The following EXT2 variants were observed in gnomAD, a reference collection of about 807,000 sequenced individuals.
The protein encoded by EXT2 is exostosin glycosyltransferase 2, also known as exostosin-2.
Under a neutral mutation model 81.6 loss-of-function variants are expected in EXT2, and 53 were observed. The ratio of observed to expected loss-of-function variants is 0.65; its 90% CI spans 0.52 to 0.82. EXT2 has a LOEUF of 0.82. EXT2 is among the 40% of genes least tolerant of loss of function. The probability of loss-of-function intolerance (pLI) is 0.00; values close to 1 mark genes in which losing one functional copy is unlikely to be tolerated. For missense variants in EXT2, 774 were observed against 910.2 expected (o/e 0.85, Z 1.93); for synonymous variants, 320 against 340.0 (o/e 0.94, Z 0.65).
chr11:44,114,636 TCCTCCTCCTCTACCCTAGACC>T (rs1253259831), intron 4 of EXT2, among the ~76,000 whole-genome samples: 1 of 152,162 alleles, frequency 6.6e-6, no homozygotes. Context: ...GCTCCCCGAA[TCCTCCTCCTCTACCCTAGACC>T]AGGTTACTGT....
rs1488016331 is a variant in EXT2, at chr11:44,249,870, A to G, written c.*5583A>G. Among the ~76,000 whole-genome samples the G allele has an allele frequency of 6.6e-6, 1 of 152,170 alleles. No individual in the cohort carries two copies. Among genetic ancestry groups the G allele is most frequent in the Non-Finnish European group, 1.5e-5 (1 of 68,038 alleles). ...CAGATCATGAGGTCACGAGATCGAG[A>G]CCCTCCTGGCTAACACGGTGAAACC... On this transcript the variant is annotated 3_prime_UTR_variant, in exon 14 of 14. Coordinates refer to ENST00000533608, the MANE Select transcript of EXT2 (RefSeq NM_207122.2).
chr11:44,149,116 C>G (rs139151572), intron 7 of EXT2, among the ~76,000 whole-genome samples: 1,738 of 152,220 alleles, frequency 0.011, 42 homozygotes, highest in African/African-American at 0.04. Context: ...AATCCCAGCA[C>G]TTTGGGAGGT....
intron 8 of EXT2, among the ~76,000 whole-genome samples, chr11:44,182,155 G>C (rs1184891958): frequency 2.0e-5 from 3 of 152,132 alleles, no homozygotes; most frequent in Non-Finnish European, 4.4e-5. Flanking sequence ...GTTATATTTA[G>C]TATGGTGCCT....
At chr11:44,214,556 C>T (rs1437110900) in intron 10 of EXT2, among the ~76,000 whole-genome samples, 1 of 151,984 alleles carries the variant, frequency 6.6e-6, no homozygotes, top group Non-Finnish European at 1.5e-5. Flanking sequence ...TTGTATTTTC[C>T]AGGGAATTTG....
chr11:44,149,235 G>A (rs1335505637), intron 7 of EXT2, among the ~76,000 whole-genome samples: 2 of 152,116 alleles, frequency 1.3e-5, no homozygotes, highest in Non-Finnish European at 2.9e-5. Flanking sequence ...GGTGGTGCAT[G>A]CCTGTAGTCT....
intron 7 of EXT2, among the ~76,000 whole-genome samples, chr11:44,149,493 T>C (rs184379394): frequency 1.1e-3 from 165 of 152,336 alleles, no homozygotes; most frequent in Non-Finnish European, 1.8e-3. Flanking sequence ...AACCATGTAA[T>C]CCAATGCCAT....
In EXT2 at chr11:44,114,299, A is replaced by G. The variant is rs773214800; in HGVS notation, c.741A>G (p.Pro247=). ...SAEVDLPEKG[P]GPRQYFLLSS... The stretch of plus-strand genomic sequence containing the variant: ...AGGTGGATCTTCCAGAGAAAGGACC[A>G]GGGTAAGGTACATTCATCCCAGCCA... Residue 247 remains proline (P), a splice_region_variant and synonymous_variant, in exon 4 of 14, where the codon CCA becomes CCG. Coordinates refer to ENST00000533608, the MANE Select transcript of EXT2 (RefSeq NM_207122.2). 6.2e-7 allele frequency: 1 copy of G among 1,612,438 alleles called. No homozygotes were observed. The highest frequency in any genetic ancestry group is 8.5e-7 in the Non-Finnish European group (1 of 1,178,508).
chr11:44,185,688 T>A (rs1955301224), intron 8 of EXT2, among the ~76,000 whole-genome samples: 1 of 152,254 alleles, frequency 6.6e-6, no homozygotes, highest in Non-Finnish European at 1.5e-5. Context: ...GCTCAAACTA[T>A]ACAGAAACTG....
intron 7 of EXT2, among the ~76,000 whole-genome samples, chr11:44,132,266 G>A (rs182003257): frequency 1.3e-5 from 2 of 152,330 alleles, no homozygotes; most frequent in African/African-American, 4.8e-5. Flanking sequence ...AGCTCACAGA[G>A]GACTGTTGCC....
intron 9 of EXT2, among the ~76,000 whole-genome samples, chr11:44,199,755 A>G (rs1420084180): frequency 6.6e-6 from 1 of 152,148 alleles, no homozygotes; most frequent in African/African-American, 2.4e-5. Flanking sequence ...CTAAGCCTCT[A>G]CACTGGCACA....
intron 3 of EXT2, among the ~76,000 whole-genome samples, chr11:44,113,462 C>G (rs149154803): frequency 4.7e-4 from 71 of 152,244 alleles, no homozygotes; most frequent in African/African-American, 1.7e-3. Context: ...CTTGCTGGAT[C>G]CAGTTAAAAC....
At chr11:44,114,324 A>T (rs887431907) in intron 4 of EXT2, 23 bp downstream of exon 4, 11 of 1,596,694 alleles carry the variant, frequency 6.9e-6, no homozygotes, top group Non-Finnish European at 9.4e-6. Flanking sequence ...CATCCCAGCC[A>T]GGTGTGCCTT....
intron 10 of EXT2, among the ~76,000 whole-genome samples, chr11:44,224,044 G>T (rs956804075): frequency 6.6e-6 from 1 of 152,180 alleles, no homozygotes; most frequent in Non-Finnish European, 1.5e-5. Context: ...TTCATGTTGT[G>T]ATGTCATACA....
At position 44,100,788 on chromosome 11, in the gene EXT2, C is replaced by A. The variant is rs191490188; in HGVS notation, c.-31+4936C>A. On this transcript the variant is annotated intron_variant, in intron 1 of 13. Transcript: ENST00000533608. Reference sequence around the variant, plus strand: ...TCTGCTAAAGTCAGGGCAATGGTAGCAAGATGTGAGACCCTGAGACCTGGA... The same window carrying A: ...TCTGCTAAAGTCAGGGCAATGGTAGAAAGATGTGAGACCCTGAGACCTGGA... 1.1e-4 allele frequency among the ~76,000 whole-genome samples: 16 copies of A among 152,280 alleles called. 1 individual carries two copies. The highest frequency in any genetic ancestry group is 3.6e-4 in the African/African-American group (15 of 41,552).
At chr11:44,157,716 C>G (rs1954874658) in intron 7 of EXT2, among the ~76,000 whole-genome samples, 1 of 152,126 alleles carries the variant, frequency 6.6e-6, no homozygotes, top group Non-Finnish European at 1.5e-5. Context: ...GGTACTCTAC[C>G]CTGCTATGGC....
intron 1 of EXT2, 69 bp from the exon 2 acceptor site, chr11:44,107,614 A>G (rs968429786): frequency 5.6e-6 from 8 of 1,435,982 alleles, no homozygotes; most frequent in Non-Finnish European, 3.8e-6. Context: ...AAAAGGTTGA[A>G]TAGTCTTTTC....
At chr11:44,146,301 G>A (rs1034093103) in intron 7 of EXT2, among the ~76,000 whole-genome samples, 1 of 152,202 alleles carries the variant, frequency 6.6e-6, no homozygotes, top group Non-Finnish European at 1.5e-5. Context: ...GGGTGAGGGT[G>A]TCAACATGTG....
intron 1 of EXT2, chr11:44,096,192 A>C (rs1590532689): frequency 6.9e-7 from 1 of 1,450,628 alleles, no homozygotes; most frequent in African/African-American, 1.4e-5. Context: ...CTCCGCCGTG[A>C]CCCCTCCCTT....
rs552273476 is a variant in EXT2 at position 44,196,110 on chromosome 11, G to A, written c.1306-1719G>A. ...ATTAAAAGTACTTAATATTTTAATG[G>A]TAGCAAAGAGATTGACTTTCTTTCA... On this transcript the variant is annotated intron_variant, in intron 8 of 13. Coordinates refer to ENST00000533608, the MANE Select transcript of EXT2 (RefSeq NM_207122.2). Among the ~76,000 whole-genome samples the A allele has an allele frequency of 2.7e-3, 414 of 152,150 alleles. 1 individual carries two copies. Among genetic ancestry groups the A allele is most frequent in the Non-Finnish European group, 4.9e-3 (335 of 67,998 alleles).
Sources: allele counts gnomAD v4.1 joint callset (sites outside exome capture counted in the v4.1 genomes callset), GRCh38; gene constraint gnomAD v4.1.1; transcripts MANE v1.5; gene names NCBI Gene and HGNC (gene_info 2026-07-23, HGNC 2026-07-21).